CTDSPL2: variants seen among roughly 807,000 people sequenced by gnomAD.
CTDSPL2 encodes the protein CTD small phosphatase like 2, also known as CTD small phosphatase-like protein 2.
A neutral mutation model predicts 60.0 loss-of-function variants in CTDSPL2; 5 were observed. The observed-to-expected ratio is 0.08, with a 90% CI of 0.04 to 0.18. The LOEUF is 0.18. Among genes scored for constraint, CTDSPL2 ranks in the 10% least tolerant of loss-of-function variants. The pLI is 1.00. For missense variants in CTDSPL2, 370 were observed against 548.8 expected (o/e 0.67, Z 3.26); for synonymous variants, 186 against 189.3 (o/e 0.98, Z 0.14).
At chr15:44,458,906 T>C in intron 1 of CTDSPL2, 85 bp from the exon 2 acceptor site, 1 of 859,676 alleles carries the variant, frequency 1.2e-6, no homozygotes, top group South Asian at 3.1e-5. Context: ...ATATTTTTAT[T>C]ATATAAGCTG....
At chr15:44,508,601 G>C (rs1465373474) in intron 8 of CTDSPL2, among the ~76,000 whole-genome samples, 1 of 152,094 alleles carries the variant, frequency 6.6e-6, no homozygotes, top group African/African-American at 2.4e-5. Context: ...GGATGTCATG[G>C]AAAAAGTTTC....
chr15:44,444,880 C>G (rs2080176272), intron 1 of CTDSPL2, among the ~76,000 whole-genome samples: 1 of 130,882 alleles, frequency 7.6e-6, no homozygotes, highest in Non-Finnish European at 1.6e-5. Context: ...CGGAGTCTCC[C>G]TCTGTTGCCC....
chr15:44,500,253 CTT>C (rs1366354985), intron 8 of CTDSPL2, among the ~76,000 whole-genome samples: 1 of 152,156 alleles, frequency 6.6e-6, no homozygotes, highest in African/African-American at 2.4e-5. Context: ...TAGTACATCT[CTT>C]TTATAATTAA....
intron 8 of CTDSPL2, among the ~76,000 whole-genome samples, chr15:44,506,043 T>G (rs1225630143): frequency 1.4e-5 from 2 of 145,686 alleles, no homozygotes; most frequent in Non-Finnish European, 3.0e-5. Context: ...TTTTTTTTTT[T>G]TTTTGAGACA....
At chr15:44,435,549 A>G (rs2079959789) in intron 1 of CTDSPL2, among the ~76,000 whole-genome samples, 1 of 150,676 alleles carries the variant, frequency 6.6e-6, no homozygotes, top group Non-Finnish European at 1.5e-5. Context: ...AGCCTGGGCA[A>G]GGAGAGAAAC....
intron 1 of CTDSPL2, among the ~76,000 whole-genome samples, chr15:44,444,843 T>C (rs930938843): frequency 1.7e-5 from 2 of 118,344 alleles, no homozygotes; most frequent in African/African-American, 7.6e-5. Context: ...GTAGTTTTTT[T>C]TTTTTTTTTT....
intron 5 of CTDSPL2, among the ~76,000 whole-genome samples, chr15:44,494,509 G>C (rs918220389): frequency 2.0e-5 from 3 of 152,058 alleles, no homozygotes; most frequent in Admixed American, 2.0e-4. Flanking sequence ...CTACTTGGGA[G>C]GCTGAGGAGG....
chr15:44,524,410 G>A lies in CTDSPL2; in HGVS notation c.*236G>A. 2.2e-6 allele frequency: 1 copy of A among 460,652 alleles called. No homozygotes were observed. Among genetic ancestry groups the A allele is most frequent in the Admixed American group, 3.8e-5 (1 of 26,448 alleles). The allele number at this position is 460,652 out of a possible 1,614,324, so 28.5% of individuals were successfully genotyped here. On this transcript the variant is annotated 3_prime_UTR_variant, in exon 13 of 13. Transcript: ENST00000260327. The stretch of plus-strand genomic sequence containing the variant: ...AGTCTTTAGAACTAGTGCAACTCCA[G>A]TGAAATTTTTTATGTACAGGACATC...
chr15:44,528,319 G>A lies in CTDSPL2; in HGVS notation c.*4145G>A, dbSNP rs2081902587. ...AAAATTGTCTCGCTGGATCTCGAGA[G>A]GGGCCTGAGAGTTCTGGCTTTTTTT... On this transcript the variant is annotated 3_prime_UTR_variant, in exon 13 of 13. Coordinates refer to ENST00000260327, the MANE Select transcript of CTDSPL2 (RefSeq NM_016396.3). 6.6e-6 allele frequency: 1 copy of A among 151,426 alleles called. No individual in the cohort carries two copies. The highest frequency in any genetic ancestry group is 2.4e-5 in the African/African-American group (1 of 41,126). The allele number at this position is 151,426 out of a possible 1,614,324, so 9.4% of individuals were successfully genotyped here. A position where few individuals can be genotyped will look rare whatever the true frequency, so the allele number is the denominator to read the frequency against.
intron 1 of CTDSPL2, among the ~76,000 whole-genome samples, chr15:44,444,836 GTTTTTTTTTTTT>G (rs35160726): frequency 3.0e-4 from 21 of 69,614 alleles, no homozygotes; most frequent in African/African-American, 4.9e-4. Flanking sequence ...ATGGAATGTA[GTTTTTTTTTTTT>G]TTTTTTTTTT....
At chr15:44,503,307 A>C (rs2081409867) in intron 8 of CTDSPL2, 1 of 152,228 alleles carries the variant, frequency 6.6e-6, no homozygotes, top group Non-Finnish European at 1.5e-5. Context: ...CTGGAAAAAC[A>C]AGTGCATGAT....
At chr15:44,507,540 T>C (rs1011914698) in intron 8 of CTDSPL2, among the ~76,000 whole-genome samples, 5 of 152,254 alleles carry the variant, frequency 3.3e-5, no homozygotes, top group African/African-American at 4.8e-5. Flanking sequence ...AGATTACTAC[T>C]GTAACATCAC....
intron 1 of CTDSPL2, chr15:44,449,034 T>A (rs2080279474): frequency 3.0e-6 from 1 of 331,952 alleles, no homozygotes; most frequent in Admixed American, 4.0e-5. Flanking sequence ...CCAGCCAACT[T>A]TGTAATCCTG....
chr15:44,442,222 G>A (rs964151411), intron 1 of CTDSPL2, among the ~76,000 whole-genome samples: 2 of 152,146 alleles, frequency 1.3e-5, no homozygotes, highest in Admixed American at 6.5e-5. Context: ...AGGCCGAGGC[G>A]GGCAGATCAC....
chr15:44,435,494 T>C lies in CTDSPL2; in HGVS notation c.-25+7722T>C, dbSNP rs988557009. On this transcript the variant is annotated intron_variant, in intron 1 of 12. Coordinates refer to ENST00000260327, the MANE Select transcript of CTDSPL2 (RefSeq NM_016396.3). ...CTGAGACAGGGAATTGCTTGAACCC[T>C]GGAGGCGGAGGTTGCAGTGAGCTGA... 2.1e-4 allele frequency among the ~76,000 whole-genome samples: 31 copies of C among 148,486 alleles called. No individual in the cohort carries two copies. In the South Asian group the frequency reaches 2.4e-3, roughly 12 times the overall value.
Position 44,459,190 on chromosome 15 carries a change from G to A in CTDSPL2, c.176G>A (p.Ser59Asn). 6.2e-7 allele frequency: 1 copy of A among 1,604,234 alleles called. No homozygotes were observed. The highest frequency in any genetic ancestry group is 8.5e-7 in the Non-Finnish European group (1 of 1,175,614). ...LSSIKKFIKGSTPKEERENPS... is the reference protein window; with the variant it reads ...LSSIKKFIKGNTPKEERENPS... ...TCAATTAAAAAATTTATTAAAGGAA[G>A]CACACCTAAGGTAATGATTTTACCA... Residue 59 changes from serine to asparagine, a missense_variant, in exon 2 of 13, where the codon AGC becomes AAC. By Grantham distance (46) the Ser-to-Asn change is conservative. This residue lies in a region of CTDSPL2 where 287 missense variants were observed against 296.1 expected (regional missense o/e 0.97). Transcript: ENST00000260327.
At chr15:44,507,509 T>C (rs937305678) in intron 8 of CTDSPL2, among the ~76,000 whole-genome samples, 1 of 152,214 alleles carries the variant, frequency 6.6e-6, no homozygotes. Flanking sequence ...CTACCTCTTA[T>C]TGGAATTTTC....
At chr15:44,496,039 C>T (rs2081294457) in intron 5 of CTDSPL2, among the ~76,000 whole-genome samples, 1 of 152,106 alleles carries the variant, frequency 6.6e-6, no homozygotes, top group Non-Finnish European at 1.5e-5. Flanking sequence ...ATAAGAGCAC[C>T]ATGAAATTTT....
intron 4 of CTDSPL2, 92 bp downstream of exon 4, chr15:44,486,792 C>G (rs1412676382): frequency 1.4e-4 from 129 of 949,764 alleles, no homozygotes; most frequent in Non-Finnish European, 1.8e-4. Context: ...GACGAAGTCT[C>G]TCTTTGTTGC....
Sources: allele counts gnomAD v4.1 joint callset (sites outside exome capture counted in the v4.1 genomes callset), GRCh38; gene constraint gnomAD v4.1.1; regional missense constraint gnomAD v4.1.1; transcripts MANE v1.5; gene names NCBI Gene and HGNC (gene_info 2026-07-23, HGNC 2026-07-21).